SP4: variants seen among roughly 807,000 people sequenced by gnomAD.
SP4 encodes the protein Sp4 transcription factor.
In SP4, 19 loss-of-function variants were observed where a neutral mutation model predicts 72.8. The ratio of observed to expected loss-of-function variants is 0.26; its 90% CI spans 0.18 to 0.38. The LOEUF (loss-of-function observed/expected upper bound fraction) is 0.38, where lower values mean the gene tolerates loss of function less well. SP4 is among the 10% of genes least tolerant of loss of function. SP4 has a pLI of 1.00. For missense variants in SP4, 1,008 were observed against 926.3 expected, an observed-to-expected ratio of 1.09 and a Z score of -1.14; for synonymous variants, 395 against 333.1, an observed-to-expected ratio of 1.19 and a Z score of -2.02.
At chr7:21,457,860 T>G (rs542909629) in intron 3 of SP4, among the ~76,000 whole-genome samples, 1 of 152,222 alleles carries the variant, frequency 6.6e-6, no homozygotes, top group African/African-American at 2.4e-5. Context: ...GTCGCACATA[T>G]GTAGAAATAA....
At chr7:21,429,263 CT>C in intron 2 of SP4, 25 bp from the exon 3 acceptor site, 2 of 1,203,256 alleles carry the variant, frequency 1.7e-6, no homozygotes, top group Non-Finnish European at 1.2e-6. Context: ...CCCCCCCCCT[CT>C]CCTTTACCGT....
chr7:21,429,607 C>T lies in SP4; in HGVS notation c.442C>T (p.Pro148Ser). Reference sequence around the variant, plus strand: ...AACTAAATCAGGTAATTCTTCCACCCCTGGTCAATTTCAAGTCATACAAGT... The same window carrying T: ...AACTAAATCAGGTAATTCTTCCACCTCTGGTCAATTTCAAGTCATACAAGT... The part of the protein sequence containing the change: ...TKTKSGNSST[P>S]GQFQVIQVQN... The change falls in exon 3 of 6, where the codon CCT becomes TCT. Residue 148 changes from proline to serine, a missense_variant. Physicochemically the swap from Pro to Ser is moderately conservative, Grantham distance 74 (BLOSUM62 -1). Coordinates refer to ENST00000222584, the MANE Select transcript of SP4 (RefSeq NM_003112.5). 1 of 1,614,134 alleles carries T rather than the reference C, an allele frequency of 6.2e-7. No homozygotes were observed. The highest frequency in any genetic ancestry group is 1.1e-5 in the South Asian group (1 of 91,076).
At chr7:21,495,619 G>C (rs1781686024) in intron 5 of SP4, among the ~76,000 whole-genome samples, 1 of 152,190 alleles carries the variant, frequency 6.6e-6, no homozygotes, top group South Asian at 2.1e-4. Flanking sequence ...TGGTGAGGAT[G>C]CAGAGCAATT....
In SP4 at chr7:21,428,204, A is replaced by ACCCCCCCCCCC; in HGVS notation, c.-46_-45insCCCCCCCCCCC. ...TCCCGCCTCGCCCCCACCCCCACCC[A>ACCCCCCCCCCC]CCTCTATCCCAGTGTCTCCGTCTGA... On this transcript the variant is annotated 5_prime_UTR_variant, in exon 1 of 6. Coordinates refer to ENST00000222584, the MANE Select transcript of SP4 (RefSeq NM_003112.5). 2 of 270,412 alleles carry ACCCCCCCCCCC rather than the reference A, an allele frequency of 7.4e-6. No homozygotes were observed. Among genetic ancestry groups the ACCCCCCCCCCC allele is most frequent in the South Asian group, 2.7e-5 (1 of 37,192 alleles). 16.8% of individuals were successfully genotyped at this position (270,412 alleles called of 1,614,324 possible). A position where few individuals can be genotyped will look rare whatever the true frequency, so the allele number is the denominator to read the frequency against.
At position 21,429,281 on chromosome 7, in the gene SP4, T is replaced by C; in HGVS notation, c.124-8T>C. The C allele has an allele frequency of 8.2e-6, 11 of 1,340,292 alleles. No individual in the cohort carries two copies. Among genetic ancestry groups the C allele is most frequent in the Non-Finnish European group, 1.1e-5 (11 of 957,674 alleles). 83.0% of individuals were successfully genotyped at this position (1,340,292 alleles called of 1,614,324 possible). Reference sequence around the variant, plus strand: ...CCCCCCTCTCCTTTACCGTCCCATTTTGGGTAGGACTCTCAGCCCTCTCCT... The same window carrying C: ...CCCCCCTCTCCTTTACCGTCCCATTCTGGGTAGGACTCTCAGCCCTCTCCT... On this transcript the variant is annotated splice_region_variant and splice_polypyrimidine_tract_variant and intron_variant, in intron 2 of 5. Coordinates refer to ENST00000222584, the MANE Select transcript of SP4 (RefSeq NM_003112.5).
intron 3 of SP4, among the ~76,000 whole-genome samples, chr7:21,451,155 T>G (rs915523044): frequency 1.3e-5 from 2 of 152,206 alleles, no homozygotes; most frequent in African/African-American, 4.8e-5. Context: ...AGCTGTTTTT[T>G]CCCTTACCAG....
At chr7:21,439,871 A>G (rs1403174174) in intron 3 of SP4, among the ~76,000 whole-genome samples, 1 of 152,236 alleles carries the variant, frequency 6.6e-6, no homozygotes, top group Non-Finnish European at 1.5e-5. Context: ...ACTGCACTCC[A>G]GTCTGGGTGA....
chr7:21,484,114 G>A (rs1242803519), intron 5 of SP4, among the ~76,000 whole-genome samples: 2 of 151,764 alleles, frequency 1.3e-5, no homozygotes, highest in Non-Finnish European at 3.0e-5. Context: ...ATTAAAAATG[G>A]TAAATATAAA....
Position 21,513,049 on chromosome 7 carries a change from T to A in SP4, c.*1780T>A, listed in dbSNP as rs573076005. The A allele has an allele frequency of 6.5e-6, 1 of 152,780 alleles. No individual in the cohort carries two copies. The highest frequency in any genetic ancestry group is 2.1e-4 in the South Asian group (1 of 4,832). The allele number at this position is 152,780 out of a possible 1,614,324, so 9.5% of individuals were successfully genotyped here. On this transcript the variant is annotated 3_prime_UTR_variant, in exon 6 of 6. Transcript: ENST00000222584. Reference sequence around the variant, plus strand: ...TACCTACCTGCTCAATTTATTAACATCATTGCTTTGGGGACTGTTTGAATA... The same window carrying A: ...TACCTACCTGCTCAATTTATTAACAACATTGCTTTGGGGACTGTTTGAATA...
At chr7:21,460,049 TAA>T (rs575725512) in intron 3 of SP4, among the ~76,000 whole-genome samples, 1 of 152,074 alleles carries the variant, frequency 6.6e-6, no homozygotes, top group African/African-American at 2.4e-5. Context: ...AGGGCAGAAA[TAA>T]AAGACTCCAT....
intron 3 of SP4, among the ~76,000 whole-genome samples, chr7:21,452,788 T>A (rs557768272): frequency 9.2e-4 from 139 of 151,520 alleles, no homozygotes; most frequent in Middle Eastern, 3.4e-3. Flanking sequence ...TCATTATTTT[T>A]TTTTTTTTTT....
chr7:21,469,606 A>T lies in SP4; in HGVS notation c.1679-7473A>T, dbSNP rs1259830488. Among the ~76,000 whole-genome samples, 32 of 144,342 alleles carry T rather than the reference A, an allele frequency of 2.2e-4. No individual in the cohort carries two copies. The Admixed American group carries it at 2.3e-3, about 10-fold the overall frequency. The allele number at this position is 144,342 out of a possible 152,430, so 94.7% of individuals were successfully genotyped here. A position where few individuals can be genotyped will look rare whatever the true frequency, so the allele number is the denominator to read the frequency against. On this transcript the variant is annotated intron_variant, in intron 3 of 5. Coordinates refer to ENST00000222584, the MANE Select transcript of SP4 (RefSeq NM_003112.5). ...GCCCAGGCTGGAGTGCAGTGGTGAGATCTCCACTCACTGCAACCTCCGCCT... is the reference window on the plus strand; with the variant it reads ...GCCCAGGCTGGAGTGCAGTGGTGAGTTCTCCACTCACTGCAACCTCCGCCT...
In SP4 at chr7:21,429,823, C is replaced by T. The variant is rs894795377; in HGVS notation, c.658C>T (p.Leu220Phe). The change falls in exon 3 of 6, where the codon CTT becomes TTT. Residue 220 changes from leucine to phenylalanine, a missense_variant. This residue lies in a region of SP4 where 893 missense variants were observed against 743.3 expected (regional missense o/e 1.20). Transcript: ENST00000222584. ...TAACAGGACAGCTTCTGGGAATATT[C>T]TTGCTCAAAACCTGGCAAATCAGAC... Reference protein sequence around the residue: ...AANRTASGNILAQNLANQTVP... With the variant: ...AANRTASGNIFAQNLANQTVP... 2 of 1,614,216 alleles carry T rather than the reference C, an allele frequency of 1.2e-6. No homozygotes were observed. Among genetic ancestry groups the T allele is most frequent in the Non-Finnish European group, 1.7e-6 (2 of 1,180,032 alleles).
intron 5 of SP4, among the ~76,000 whole-genome samples, chr7:21,498,040 A>G (rs544029708): frequency 2.6e-5 from 4 of 151,904 alleles, no homozygotes; most frequent in South Asian, 2.1e-4. Flanking sequence ...ACCTCGCCTT[A>G]CTCTCAGTTT....
chr7:21,475,190 C>G (rs896559536), intron 3 of SP4, among the ~76,000 whole-genome samples: 1 of 151,902 alleles, frequency 6.6e-6, no homozygotes, highest in African/African-American at 2.4e-5. Flanking sequence ...TTTCGGCTCA[C>G]TGAAACCTCT....
At chr7:21,489,619 G>A (rs1318675329) in intron 5 of SP4, among the ~76,000 whole-genome samples, 1 of 143,850 alleles carries the variant, frequency 7.0e-6, no homozygotes, top group African/African-American at 2.6e-5. Context: ...GAGTGCAGTG[G>A]CATGATCTTG....
chr7:21,465,564 A>T (rs1362227518), intron 3 of SP4, among the ~76,000 whole-genome samples: 1 of 152,204 alleles, frequency 6.6e-6, no homozygotes, highest in Non-Finnish European at 1.5e-5. Context: ...AGTAAGTGCG[A>T]GTGATTATTG....
intron 3 of SP4, among the ~76,000 whole-genome samples, chr7:21,447,391 G>A (rs745359537): frequency 9.2e-5 from 14 of 152,128 alleles, no homozygotes; most frequent in Admixed American, 5.2e-4. Flanking sequence ...TTATGACTTG[G>A]ACTTCTGGTT....
intron 5 of SP4, among the ~76,000 whole-genome samples, chr7:21,499,098 A>G (rs1353770910): frequency 6.8e-6 from 1 of 146,402 alleles, no homozygotes; most frequent in Non-Finnish European, 1.5e-5. Flanking sequence ...AAAAAAAAAA[A>G]ACTGTTAAGA....
Sources: gnomAD v4.1 joint callset for allele counts (sites outside exome capture counted in the v4.1 genomes callset) on GRCh38, gnomAD v4.1.1 for gene constraint, gnomAD v4.1.1 regional missense constraint, MANE v1.5 for transcripts, NCBI Gene and HGNC (gene_info 2026-07-23, HGNC 2026-07-21) for gene names.